DISP1: variants seen among roughly 807,000 people sequenced by gnomAD.
DISP1 encodes the protein dispatched RND transporter family member 1, also known as protein dispatched homolog 1.
DISP1 carries 30 observed loss-of-function variants against 37.3 expected under a neutral mutation model. The observed-to-expected ratio is 0.80, with a 90% confidence interval of 0.60 to 1.09. The LOEUF (loss-of-function observed/expected upper bound fraction) is 1.09. DISP1 is among the 50% of genes least tolerant of loss of function. The pLI is 0.00. For synonymous variants in DISP1, 634 were observed against 690.2 expected, an observed-to-expected ratio of 0.92 and a Z score of 1.28; for missense variants, 1,598 against 1,879.5, an observed-to-expected ratio of 0.85 and a Z score of 2.77.
intron 1 of DISP1, among the ~76,000 whole-genome samples, chr1:222,820,923 T>G (rs1319359104): frequency 6.6e-6 from 1 of 152,206 alleles, no homozygotes; most frequent in Admixed American, 6.5e-5. Flanking sequence ...AGCTTTATGT[T>G]ACTCCCACAG....
At chr1:222,836,811 G>C (rs957571601) in intron 1 of DISP1, 7 of 305,540 alleles carry the variant, frequency 2.3e-5, no homozygotes, top group Non-Finnish European at 3.6e-5. Flanking sequence ...ATTTAGTGTG[G>C]AGACAGTATT....
At chr1:222,977,917 T>G (rs1677509728) in intron 3 of DISP1, among the ~76,000 whole-genome samples, 1 of 152,226 alleles carries the variant, frequency 6.6e-6, no homozygotes, top group Non-Finnish European at 1.5e-5. Context: ...TGCCACATTT[T>G]CTTAATCCAG....
chr1:222,899,502 G>A (rs1671461998), intron 1 of DISP1, among the ~76,000 whole-genome samples: 1 of 152,112 alleles, frequency 6.6e-6, no homozygotes, highest in African/African-American at 2.4e-5. Context: ...TTTTAATTAT[G>A]TCCTCACTGC....
chr1:222,993,066 G>A (rs112712951), intron 7 of DISP1, among the ~76,000 whole-genome samples: 7,442 of 151,766 alleles, frequency 0.049, 365 homozygotes, highest in African/African-American at 0.12. Flanking sequence ...TTCTCCATCC[G>A]TGTTGGTTAG....
In DISP1 at chr1:222,984,461, G is replaced by A. The variant is rs562780277; in HGVS notation, c.539+1352G>A. On this transcript the variant is annotated intron_variant, in intron 4 of 8. Coordinates refer to ENST00000675850, the MANE Select transcript of DISP1 (RefSeq NM_001377229.1). ...AGAGAGAGAGAGAGAGAGAGAGAGC[G>A]TACTCATATATGTTATATATAACAT... Among the ~76,000 whole-genome samples, 189 of 134,984 alleles carry A rather than the reference G, an allele frequency of 1.4e-3. 2 individuals are homozygous for A. The highest frequency in any genetic ancestry group is 2.3e-3 in the Non-Finnish European group (150 of 65,104). 88.6% of individuals were successfully genotyped at this position (134,984 alleles called of 152,430 possible). A position where few individuals can be genotyped will look rare whatever the true frequency, so the allele number is the denominator to read the frequency against.
intron 1 of DISP1, among the ~76,000 whole-genome samples, chr1:222,831,996 G>A (rs943511709): frequency 5.9e-5 from 9 of 152,070 alleles, no homozygotes; most frequent in Non-Finnish European, 4.4e-5. Flanking sequence ...GAATTACATA[G>A]CAGCTGGGCA....
At chr1:222,988,429 A>G (rs1195111291) in intron 4 of DISP1, among the ~76,000 whole-genome samples, 1 of 152,328 alleles carries the variant, frequency 6.6e-6, no homozygotes, top group South Asian at 2.1e-4. Flanking sequence ...AATAAGTTCT[A>G]TAACTTGTCA....
intron 3 of DISP1, among the ~76,000 whole-genome samples, chr1:222,954,399 C>T (rs1400010147): frequency 6.6e-6 from 1 of 152,082 alleles, no homozygotes; most frequent in African/African-American, 2.4e-5. Flanking sequence ...GAAATAGAGC[C>T]TAAGGCCTGG....
At chr1:222,930,754 A>G (rs1361590620) in intron 2 of DISP1, among the ~76,000 whole-genome samples, 2 of 152,130 alleles carry the variant, frequency 1.3e-5, no homozygotes, top group Admixed American at 1.3e-4. Flanking sequence ...TAATAATTTA[A>G]GGAATAGAGA....
At chr1:222,906,602 C>T (rs1671907019) in intron 1 of DISP1, among the ~76,000 whole-genome samples, 1 of 152,246 alleles carries the variant, frequency 6.6e-6, no homozygotes, top group Non-Finnish European at 1.5e-5. Context: ...CTCTGGTCGT[C>T]CTCACTGCTA....
At chr1:222,923,984 G>A (rs1672948059) in intron 1 of DISP1, among the ~76,000 whole-genome samples, 1 of 152,072 alleles carries the variant, frequency 6.6e-6, no homozygotes, top group African/African-American at 2.4e-5. Flanking sequence ...GGTCATAAGG[G>A]TGAATATGTC....
chr1:222,953,240 G>C (rs1277788904), intron 3 of DISP1, among the ~76,000 whole-genome samples: 3 of 152,106 alleles, frequency 2.0e-5, no homozygotes, highest in Admixed American at 6.5e-5. Flanking sequence ...ACTTAACACA[G>C]TGCCTGTTAC....
At chr1:222,933,403 A>C (rs1026227240) in intron 2 of DISP1, among the ~76,000 whole-genome samples, 14 of 151,954 alleles carry the variant, frequency 9.2e-5, no homozygotes, top group Non-Finnish European at 1.6e-4. Flanking sequence ...GGTGCTTATC[A>C]TAAGTTGAAA....
chr1:222,936,699 T>TAAAA (rs1673782886), intron 2 of DISP1, among the ~76,000 whole-genome samples: 2 of 109,044 alleles, frequency 1.8e-5, no homozygotes, highest in African/African-American at 7.2e-5. Flanking sequence ...ATATGATATA[T>TAAAA]ATCATATATA....
chr1:222,967,316 A>G (rs74448475), intron 3 of DISP1, among the ~76,000 whole-genome samples: 3,655 of 152,224 alleles, frequency 0.024, 134 homozygotes, highest in African/African-American at 0.083. Context: ...TTAGCCTCTC[A>G]TCTTCCTAGT....
At chr1:222,913,608 A>T (rs17476913) in intron 1 of DISP1, among the ~76,000 whole-genome samples, 1 of 151,980 alleles carries the variant, frequency 6.6e-6, no homozygotes, top group African/African-American at 2.4e-5. Flanking sequence ...CTAAACATTC[A>T]GTAAAGGAGT....
intron 3 of DISP1, among the ~76,000 whole-genome samples, chr1:222,948,356 C>A (rs998278210): frequency 6.6e-6 from 1 of 152,192 alleles, no homozygotes; most frequent in African/African-American, 2.4e-5. Context: ...GATGCTATCT[C>A]GTCCTTTACC....
At chr1:222,994,370 C>T (rs1204995980) in intron 7 of DISP1, among the ~76,000 whole-genome samples, 1 of 152,066 alleles carries the variant, frequency 6.6e-6, no homozygotes, top group African/African-American at 2.4e-5. Flanking sequence ...TCTAGTGTAC[C>T]AGAGAGACCA....
At chr1:222,964,302 A>AAG (rs1424726710) in intron 3 of DISP1, among the ~76,000 whole-genome samples, 10 of 151,396 alleles carry the variant, frequency 6.6e-5, no homozygotes, top group Admixed American at 5.9e-4. Context: ...TATCTCAAAA[A>AAG]AAAAAAAAAA....
Sources: allele counts gnomAD v4.1 joint callset (sites outside exome capture counted in the v4.1 genomes callset), GRCh38; gene constraint gnomAD v4.1.1; transcripts MANE v1.5; gene names NCBI Gene and HGNC (gene_info 2026-07-23, HGNC 2026-07-21).